The following TRNAU1AP variants were observed in gnomAD, a reference collection of about 807,000 sequenced individuals.
TRNAU1AP encodes tRNA selenocysteine 1-associated protein 1.
A neutral mutation model predicts 43.3 loss-of-function variants in TRNAU1AP; 33 were observed. The ratio of observed to expected loss-of-function variants is 0.76; its 90% CI spans 0.58 to 1.02. TRNAU1AP has a LOEUF of 1.02. Among genes scored for constraint, TRNAU1AP ranks in the 50% least tolerant of loss-of-function variants. TRNAU1AP has a pLI of 0.00. For synonymous variants in TRNAU1AP, 143 were observed against 129.1 expected (o/e 1.11, Z -0.73); for missense variants, 290 against 362.7 (o/e 0.80, Z 1.63).
intron 4 of TRNAU1AP, among the ~76,000 whole-genome samples, chr1:28,564,094 G>A (rs758611851): frequency 1.3e-5 from 2 of 152,030 alleles, no homozygotes; most frequent in Admixed American, 6.6e-5. Context: ...GCGAAACCCC[G>A]TCTCTGCTAA....
At chr1:28,568,167 TAAAAA>T (rs1418778497) in intron 6 of TRNAU1AP, among the ~76,000 whole-genome samples, 1 of 152,032 alleles carries the variant, frequency 6.6e-6, no homozygotes, top group Non-Finnish European at 1.5e-5. Flanking sequence ...CCGTCTCAAA[TAAAAA>T]AGAAAAATTT....
intron 4 of TRNAU1AP, among the ~76,000 whole-genome samples, chr1:28,561,825 C>T (rs1665411233): frequency 6.6e-6 from 1 of 152,174 alleles, no homozygotes; most frequent in Non-Finnish European, 1.5e-5. Flanking sequence ...ATAATCCCAG[C>T]ACTTTGGGAG....
At chr1:28,572,135 C>T (rs1424770754) in intron 8 of TRNAU1AP, among the ~76,000 whole-genome samples, 1 of 152,084 alleles carries the variant, frequency 6.6e-6, no homozygotes, top group African/African-American at 2.4e-5. Flanking sequence ...GCCCATCACC[C>T]CCTTGACATG....
At chr1:28,554,658 C>G (rs1037766867) in intron 2 of TRNAU1AP, among the ~76,000 whole-genome samples, 3 of 151,610 alleles carry the variant, frequency 2.0e-5, no homozygotes, top group African/African-American at 7.3e-5. Context: ...CTGGCTAACA[C>G]GGTGAAACCC....
chr1:28,561,212 T>G, intron 3 of TRNAU1AP, 134 bp from the exon 4 acceptor site: 1 of 1,485,956 alleles, frequency 6.7e-7, no homozygotes, highest in South Asian at 1.3e-5. Flanking sequence ...CCTCATTTTA[T>G]ACAGGAGAAA....
chr1:28,567,688 C>G (rs1665571952), intron 6 of TRNAU1AP, among the ~76,000 whole-genome samples: 1 of 152,190 alleles, frequency 6.6e-6, no homozygotes, highest in South Asian at 2.1e-4. Context: ...AGCTGTTTGG[C>G]TGTCCATACC....
At chr1:28,561,718 G>A (rs1327728630) in intron 4 of TRNAU1AP, among the ~76,000 whole-genome samples, 1 of 152,124 alleles carries the variant, frequency 6.6e-6, no homozygotes, top group East Asian at 1.9e-4. Context: ...CAGGCAGATT[G>A]CCTGAGCCTA....
chr1:28,576,788 G>A (rs1665794792), intron 8 of TRNAU1AP, among the ~76,000 whole-genome samples: 1 of 152,156 alleles, frequency 6.6e-6, no homozygotes, highest in South Asian at 2.1e-4. Context: ...TAGTAGAGAT[G>A]GGATTTCTCC....
chr1:28,553,699 C>G lies in TRNAU1AP; in HGVS notation c.87C>G (p.Thr29=). The G allele has an allele frequency of 6.2e-7, 1 of 1,614,120 alleles. No homozygotes were observed. Among genetic ancestry groups the G allele is most frequent in the South Asian group, 1.1e-5 (1 of 91,084 alleles). Residue 29 remains threonine (T), a synonymous_variant, in exon 2 of 9, where the codon ACC becomes ACG. Transcript: ENST00000373830. ...ISRAFATMGE[T]VMSVKIIRNR... Reference sequence around the variant, plus strand: ...GAGCCTTTGCCACCATGGGGGAGACCGTAATGAGCGTCAAAATTATCCGAA... The same window carrying G: ...GAGCCTTTGCCACCATGGGGGAGACGGTAATGAGCGTCAAAATTATCCGAA...
At chr1:28,553,281 G>A in intron 1 of TRNAU1AP, 144 bp downstream of exon 1, 2 of 1,020,410 alleles carry the variant, frequency 2.0e-6, no homozygotes, top group East Asian at 2.8e-5. Context: ...ACAGAAGCGG[G>A]TTCCAGCATC....
Position 28,567,311 on chromosome 1 carries a change from A to C in TRNAU1AP, c.428A>C (p.Lys143Thr). The C allele has an allele frequency of 6.2e-7, 1 of 1,613,756 alleles. No individual in the cohort carries two copies. Among genetic ancestry groups the C allele is most frequent in the Non-Finnish European group, 8.5e-7 (1 of 1,179,954 alleles). ...TCATGCAGGGGTTATGGTTTTGTGA[A>C]ATTCACAGATGAACTGGAACAGAAG... is the stretch of plus-strand genomic sequence containing the variant. Reference protein sequence around the residue: ...TGVSKGYGFVKFTDELEQKRA... With the variant: ...TGVSKGYGFVTFTDELEQKRA... The change falls in exon 6 of 9, where the codon AAA becomes ACA. Residue 143 changes from lysine to threonine, a missense_variant. Coordinates refer to ENST00000373830, the MANE Select transcript of TRNAU1AP (RefSeq NM_017846.5).
intron 2 of TRNAU1AP, among the ~76,000 whole-genome samples, chr1:28,558,803 G>A (rs1003879178): frequency 3.3e-5 from 5 of 151,910 alleles, no homozygotes; most frequent in African/African-American, 1.2e-4. Context: ...CTGACCTCGT[G>A]ATCCGCCCGC....
Position 28,571,449 on chromosome 1 carries a change from T to C in TRNAU1AP, c.693+111T>C, listed in dbSNP as rs1019530313. 15 of 1,148,028 alleles carry C rather than the reference T, an allele frequency of 1.3e-5. 1 individual carries two copies. The highest frequency in any genetic ancestry group is 1.1e-4 in the African/African-American group (7 of 64,616). The allele number at this position is 1,148,028 out of a possible 1,614,324, so 71.1% of individuals were successfully genotyped here. ...ACAGGGGCTTGGGCTTCAGAAAAAATAGGGAAAGTTGAAGCAGTCCAGTTC... is the reference window on the plus strand; with the variant it reads ...ACAGGGGCTTGGGCTTCAGAAAAAACAGGGAAAGTTGAAGCAGTCCAGTTC... On this transcript the variant is annotated intron_variant, in intron 7 of 8. Transcript: ENST00000373830.
At chr1:28,568,464 A>G (rs568183879) in intron 6 of TRNAU1AP, among the ~76,000 whole-genome samples, 2 of 152,264 alleles carry the variant, frequency 1.3e-5, no homozygotes, top group East Asian at 3.9e-4. Flanking sequence ...TTGTAGAGAT[A>G]GGGTCTTGCT....
intron 4 of TRNAU1AP, among the ~76,000 whole-genome samples, chr1:28,563,120 T>C (rs955278709): frequency 6.6e-6 from 1 of 151,756 alleles, no homozygotes; most frequent in Non-Finnish European, 1.5e-5. Flanking sequence ...GGTTTTGAAC[T>C]CTTGACCTTG....
At position 28,561,405 on chromosome 1, in the gene TRNAU1AP, A is replaced by G. The variant is rs751605694; in HGVS notation, c.278+7A>G. On this transcript the variant is annotated splice_region_variant and intron_variant, in intron 4 of 8. Transcript: ENST00000373830. Reference sequence around the variant, plus strand: ...GGAAACAACCAGATAACAGGTAGGTACAAAGTCATGTCTAGACAGACATAA... The same window carrying G: ...GGAAACAACCAGATAACAGGTAGGTGCAAAGTCATGTCTAGACAGACATAA... 2.0e-5 allele frequency: 32 copies of G among 1,613,984 alleles called. No homozygotes were observed. In the African/African-American group the frequency reaches 2.7e-4, roughly 13 times the overall value.
intron 6 of TRNAU1AP, among the ~76,000 whole-genome samples, chr1:28,570,105 G>A (rs1665632459): frequency 6.6e-6 from 1 of 152,104 alleles, no homozygotes; most frequent in Non-Finnish European, 1.5e-5. Flanking sequence ...GAAGCCAGGA[G>A]TTCAAGACCA....
intron 3 of TRNAU1AP, 32 bp from the exon 4 acceptor site, chr1:28,561,314 C>G: frequency 6.2e-7 from 1 of 1,613,716 alleles, no homozygotes; most frequent in East Asian, 2.2e-5. Flanking sequence ...ACACCTTTCT[C>G]TGTTTTAGTT....
intron 3 of TRNAU1AP, 83 bp downstream of exon 3, chr1:28,560,815 AT>A: frequency 8.6e-7 from 1 of 1,162,726 alleles, no homozygotes; most frequent in Non-Finnish European, 1.2e-6. Flanking sequence ...CTGTATACTT[AT>A]TTTATTTAAT....
Sources: allele counts gnomAD v4.1 joint callset (sites outside exome capture counted in the v4.1 genomes callset), GRCh38; gene constraint gnomAD v4.1.1; transcripts MANE v1.5; gene names NCBI Gene and HGNC (gene_info 2026-07-23, HGNC 2026-07-21).